The following PARD6G variants were observed in gnomAD, a reference collection of about 807,000 sequenced individuals.
PARD6G encodes partitioning defective 6 homolog gamma.
PARD6G carries 7 observed loss-of-function variants against 10.7 expected under a neutral mutation model. That is an observed-to-expected ratio of 0.66 (90% CI 0.37 to 1.23). The LOEUF is 1.23. Ranked by LOEUF, PARD6G falls within the 50% of genes most tolerant of loss-of-function variation. PARD6G has a pLI of 0.02. For synonymous variants in PARD6G, 287 were observed against 269.4 expected (o/e 1.07, Z -0.64); for missense variants, 548 against 571.8 (o/e 0.96, Z 0.42).
In PARD6G at chr18:80,241,407, G is replaced by A. The variant is rs374222273; in HGVS notation, c.72+5870C>T. 3.2e-4 allele frequency among the ~76,000 whole-genome samples: 49 copies of A among 152,212 alleles called. No individual in the cohort carries two copies. In the East Asian group the frequency reaches 6.9e-3, roughly 22 times the overall value. On this transcript the variant is annotated intron_variant, in intron 1 of 2. Transcript: ENST00000353265. ...CATCTGTATAGTGGGTGTGATAAAC[G>A]AACCCACGTTACAGTATTGAGATGG...
At chr18:80,173,163 A>C (rs2052788025) in intron 2 of PARD6G, among the ~76,000 whole-genome samples, 1 of 152,228 alleles carries the variant, frequency 6.6e-6, no homozygotes, top group Admixed American at 6.5e-5. Context: ...TAAGAAATTA[A>C]GTACCACCAT....
At chr18:80,197,494 AC>A (rs1171079915) in intron 2 of PARD6G, 7 of 152,208 alleles carry the variant, frequency 4.6e-5, no homozygotes, top group South Asian at 4.1e-4. Context: ...GAACAGCCAT[AC>A]GCAAACGGGC....
chr18:80,159,558 A>C lies in PARD6G; in HGVS notation c.*213T>G. 3 of 658,680 alleles carry C rather than the reference A, an allele frequency of 4.6e-6. No individual in the cohort carries two copies. Among genetic ancestry groups the C allele is most frequent in the Non-Finnish European group, 6.5e-6 (3 of 461,554 alleles). 40.8% of individuals were successfully genotyped at this position (658,680 alleles called of 1,614,324 possible). ...GCCAAGACCTGCACTCAGGCCTGGT[A>C]TAGAGTGTCTCTACAGGCGTTCATT... On this transcript the variant is annotated 3_prime_UTR_variant, in exon 3 of 3. Transcript: ENST00000353265.
Position 80,159,850 on chromosome 18 carries a change from G to T in PARD6G, c.1052C>A (p.Ser351Tyr), listed in dbSNP as rs1019858539. The stretch of plus-strand genomic sequence containing the variant: ...GCTGTGACGGGGGTCGGCCCGCAGG[G>T]AGCTGAGCAGCCGCTGGAGGCCGCC... ...LDGGLQRLLS[S>Y]LRADPRHSLA... Residue 351 changes from serine (S) to tyrosine (Y), a missense_variant, in exon 3 of 3, where the codon TCC (serine) becomes TAC (tyrosine). Coordinates refer to ENST00000353265, the MANE Select transcript of PARD6G (RefSeq NM_032510.4). The T allele has an allele frequency of 2.7e-6, 4 of 1,507,750 alleles. No homozygotes were observed. In the African/African-American group the frequency reaches 4.4e-5, roughly 16 times the overall value. 93.4% of individuals were successfully genotyped at this position (1,507,750 alleles called of 1,614,324 possible). A position where few individuals can be genotyped will look rare whatever the true frequency, so the allele number is the denominator to read the frequency against.
Position 80,241,462 on chromosome 18 carries a change from C to T in PARD6G, c.72+5815G>A, listed in dbSNP as rs1105580. Among the ~76,000 whole-genome samples, 6 of 144,784 alleles carry T rather than the reference C, an allele frequency of 4.1e-5. No homozygotes were observed. In the South Asian group the frequency reaches 8.6e-4, roughly 21 times the overall value. The allele number at this position is 144,784 out of a possible 152,430, so 95.0% of individuals were successfully genotyped here. A position where few individuals can be genotyped will look rare whatever the true frequency, so the allele number is the denominator to read the frequency against. ...TAGTGAACTATCTGCAATTGCAATG[C>T]ATTTAGGATGGTCCCTGGCCCACGT... is the stretch of plus-strand genomic sequence containing the variant. On this transcript the variant is annotated intron_variant, in intron 1 of 2. Coordinates refer to ENST00000353265, the MANE Select transcript of PARD6G (RefSeq NM_032510.4).
In PARD6G at chr18:80,180,573, G is replaced by A. The variant is rs182394439; in HGVS notation, c.296-19967C>T. On this transcript the variant is annotated intron_variant, in intron 2 of 2. Coordinates refer to ENST00000353265, the MANE Select transcript of PARD6G (RefSeq NM_032510.4). The surrounding 1 kb of genome is among the most constrained non-coding windows in gnomAD (Gnocchi z 5.6). ...TGCGGCCTCTGGGTGTTTTCAGAAC[G>A]GCAATCACATTCTCAAGCTTAACTG... Among the ~76,000 whole-genome samples, 505 of 152,252 alleles carry A rather than the reference G, an allele frequency of 3.3e-3. 2 individuals are homozygous for A. The highest frequency in any genetic ancestry group is 5.8e-3 in the South Asian group (28 of 4,816).
chr18:80,202,412 G>C (rs1209434609), intron 2 of PARD6G, among the ~76,000 whole-genome samples: 1 of 152,094 alleles, frequency 6.6e-6, no homozygotes, highest in Admixed American at 6.5e-5. Context: ...TTCATTCTGA[G>C]GCCACTGACT....
At chr18:80,179,104 C>T (rs1025927488) in intron 2 of PARD6G, among the ~76,000 whole-genome samples, 7 of 152,164 alleles carry the variant, frequency 4.6e-5, no homozygotes, top group African/African-American at 1.4e-4. Context: ...TCACTGCCCC[C>T]GACACCTCCC....
rs1457988049 is a variant in PARD6G at position 80,246,980 on chromosome 18, C to G, written c.72+297G>C. On this transcript the variant is annotated intron_variant, in intron 1 of 2. Transcript: ENST00000353265. The surrounding 1 kb of genome is among the most constrained non-coding windows in gnomAD (Gnocchi z 6.7). ...AATGTGTGGCGCGCCCCGATCGCCT[C>G]TCACTCGTGGAACAAAAGAGCAGCT... Among the ~76,000 whole-genome samples the G allele has an allele frequency of 6.6e-6, 1 of 152,168 alleles. No homozygotes were observed. The highest frequency in any genetic ancestry group is 2.4e-5 in the African/African-American group (1 of 41,440).
chr18:80,167,790 G>A (rs2052746543), intron 2 of PARD6G, among the ~76,000 whole-genome samples: 1 of 152,148 alleles, frequency 6.6e-6, no homozygotes, highest in South Asian at 2.1e-4. Flanking sequence ...AGACCACCCT[G>A]TACAAAGGCA....
intron 2 of PARD6G, among the ~76,000 whole-genome samples, chr18:80,186,524 G>A (rs2145268277): frequency 6.7e-6 from 1 of 148,398 alleles, no homozygotes; most frequent in African/African-American, 2.5e-5. Flanking sequence ...ACACATGCAT[G>A]CATCCTCACA....
chr18:80,180,993 C>T lies in PARD6G; in HGVS notation c.296-20387G>A, dbSNP rs1211321661. Among the ~76,000 whole-genome samples the T allele has an allele frequency of 1.3e-5, 2 of 152,202 alleles. No individual in the cohort carries two copies. The highest frequency in any genetic ancestry group is 1.9e-4 in the East Asian group (1 of 5,198). On this transcript the variant is annotated intron_variant, in intron 2 of 2. Coordinates refer to ENST00000353265, the MANE Select transcript of PARD6G (RefSeq NM_032510.4). The surrounding 1 kb of genome is among the most constrained non-coding windows in gnomAD (Gnocchi z 5.6). ...CGTCAGCAGTGCTGAGGGTAAGAAC[C>T]CGGCCTCACACGCACGTTTCCAGCG...
intron 1 of PARD6G, among the ~76,000 whole-genome samples, chr18:80,222,411 C>T (rs1713743202): frequency 6.6e-6 from 1 of 152,234 alleles, no homozygotes; most frequent in South Asian, 2.1e-4. Flanking sequence ...ATTGTTAAGA[C>T]AGCAATACTC....
At chr18:80,216,949 C>A (rs967879248) in intron 1 of PARD6G, among the ~76,000 whole-genome samples, 2 of 152,010 alleles carry the variant, frequency 1.3e-5, no homozygotes, top group African/African-American at 4.8e-5. Context: ...CTTAAGGAAT[C>A]AAGGATTATA....
intron 1 of PARD6G, among the ~76,000 whole-genome samples, chr18:80,211,779 T>C (rs1967110803): frequency 6.6e-6 from 1 of 152,212 alleles, no homozygotes; most frequent in African/African-American, 2.4e-5. Context: ...GAGGACATTA[T>C]GCTGAGTGAA....
At chr18:80,212,355 A>C (rs1967117629) in intron 1 of PARD6G, among the ~76,000 whole-genome samples, 1 of 152,234 alleles carries the variant, frequency 6.6e-6, no homozygotes, top group Non-Finnish European at 1.5e-5. Context: ...TGAATGAATA[A>C]ATACAAATTA....
In PARD6G at chr18:80,189,077, T is replaced by C. The variant is rs2052894447; in HGVS notation, c.295+13633A>G. Among the ~76,000 whole-genome samples the C allele has an allele frequency of 6.6e-6, 1 of 152,222 alleles. No individual in the cohort carries two copies. ...CACTTCCACCCCAGATCTGGCTTCA[T>C]GGCCTGGTTGTGATTCACCCTGTAT... On this transcript the variant is annotated intron_variant, in intron 2 of 2. Transcript: ENST00000353265. This position sits in a 1 kb window ranked among gnomAD's most constrained non-coding sequence, Gnocchi z 5.5.
At chr18:80,212,662 G>A (rs1206881493) in intron 1 of PARD6G, among the ~76,000 whole-genome samples, 1 of 152,048 alleles carries the variant, frequency 6.6e-6, no homozygotes, top group African/African-American at 2.4e-5. Context: ...AAGGCGGGCG[G>A]ATGATGAGGT....
chr18:80,210,606 G>T (rs553172300), intron 1 of PARD6G, among the ~76,000 whole-genome samples: 2 of 152,246 alleles, frequency 1.3e-5, no homozygotes, highest in South Asian at 4.1e-4. Context: ...AACACAATCA[G>T]CATCAGCTGT....
Sources: gnomAD v4.1 joint callset for allele counts (sites outside exome capture counted in the v4.1 genomes callset) on GRCh38, gnomAD v4.1.1 for gene constraint, Gnocchi (gnomAD v3.1) non-coding constraint, MANE v1.5 for transcripts, NCBI Gene and HGNC (gene_info 2026-07-23, HGNC 2026-07-21) for gene names.